MAPK8: variants seen among roughly 807,000 people sequenced by gnomAD.
MAPK8 encodes JUN N-terminal kinase.
A neutral mutation model predicts 52.9 loss-of-function variants in MAPK8; 13 were observed. The ratio of observed to expected loss-of-function variants is 0.25; its 90% CI spans 0.16 to 0.39. MAPK8 has a LOEUF of 0.39. Among genes scored for constraint, MAPK8 ranks in the 10% least tolerant of loss-of-function variants. MAPK8 has a pLI of 1.00. For synonymous variants in MAPK8, 191 were observed against 169.8 expected, an observed-to-expected ratio of 1.12 and a Z score of -0.97; for missense variants, 300 against 519.2, an observed-to-expected ratio of 0.58 and a Z score of 4.10.
At chr10:48,406,644 C>T (rs113558445) in intron 3 of MAPK8, among the ~76,000 whole-genome samples, 8,846 of 152,268 alleles carry the variant, frequency 0.058, 614 homozygotes, top group Admixed American at 0.21. Context: ...AATTATTCCA[C>T]TCACCCATGG....
At chr10:48,392,266 T>A (rs750851225) in intron 1 of MAPK8, among the ~76,000 whole-genome samples, 1 of 152,134 alleles carries the variant, frequency 6.6e-6, no homozygotes, top group African/African-American at 2.4e-5. Flanking sequence ...AAGATTAGAC[T>A]CTTGCCTTGA....
intron 1 of MAPK8, among the ~76,000 whole-genome samples, chr10:48,314,581 T>C (rs1842318208): frequency 6.6e-6 from 1 of 152,214 alleles, no homozygotes; most frequent in South Asian, 2.1e-4. Flanking sequence ...TAGGCCAGCG[T>C]ATGTGCATTT....
At chr10:48,351,878 C>T (rs1197788491) in intron 1 of MAPK8, among the ~76,000 whole-genome samples, 1 of 152,098 alleles carries the variant, frequency 6.6e-6, no homozygotes, top group African/African-American at 2.4e-5. Flanking sequence ...TCTAAAAATG[C>T]TCCAGTGAGC....
intron 1 of MAPK8, among the ~76,000 whole-genome samples, chr10:48,355,326 G>A (rs1846778455): frequency 6.6e-6 from 1 of 152,026 alleles, no homozygotes; most frequent in African/African-American, 2.4e-5. Context: ...TGGCTAACAC[G>A]GCGAAACCCC....
At chr10:48,325,179 T>C (rs1300473605) in intron 1 of MAPK8, among the ~76,000 whole-genome samples, 2 of 152,136 alleles carry the variant, frequency 1.3e-5, no homozygotes, top group African/African-American at 4.8e-5. Context: ...TTTCACCATA[T>C]TGGCCAGGCT....
intron 1 of MAPK8, among the ~76,000 whole-genome samples, chr10:48,362,265 TAGAA>T (rs760463809): frequency 4.3e-4 from 66 of 152,174 alleles, no homozygotes; most frequent in Non-Finnish European, 8.5e-4. Flanking sequence ...CAATGAGTCT[TAGAA>T]AGAAAGATAC....
intron 1 of MAPK8, among the ~76,000 whole-genome samples, chr10:48,396,535 C>G (rs556949393): frequency 6.6e-6 from 1 of 152,106 alleles, no homozygotes; most frequent in Non-Finnish European, 1.5e-5. Context: ...AACAGTTTGC[C>G]AGTTTCTTAT....
intron 6 of MAPK8, among the ~76,000 whole-genome samples, chr10:48,422,351 A>G (rs1436515797): frequency 1.3e-5 from 2 of 152,044 alleles, no homozygotes; most frequent in Non-Finnish European, 2.9e-5. Flanking sequence ...CATTTTAACA[A>G]CTTTGCTTTA....
At chr10:48,418,457 TA>T (rs1446404325) in intron 5 of MAPK8, among the ~76,000 whole-genome samples, 1 of 152,162 alleles carries the variant, frequency 6.6e-6, no homozygotes, top group Non-Finnish European at 1.5e-5. Flanking sequence ...TGCGTTTACA[TA>T]GATGATCAGC....
intron 1 of MAPK8, among the ~76,000 whole-genome samples, chr10:48,346,869 G>A (rs1845836175): frequency 6.6e-6 from 1 of 152,128 alleles, no homozygotes; most frequent in African/African-American, 2.4e-5. Flanking sequence ...CAGCTGCCAG[G>A]CAGGGAAGGG....
intron 1 of MAPK8, among the ~76,000 whole-genome samples, chr10:48,346,761 T>C (rs1845824506): frequency 6.6e-6 from 1 of 152,140 alleles, no homozygotes; most frequent in Admixed American, 6.5e-5. Flanking sequence ...CAGTAGTAAA[T>C]TAGTGAAAAT....
intron 5 of MAPK8, among the ~76,000 whole-genome samples, chr10:48,416,424 C>T (rs909690429): frequency 5.3e-5 from 8 of 152,112 alleles, no homozygotes; most frequent in Admixed American, 4.6e-4. Context: ...AGTGGTGAGC[C>T]CCAGCCTCTG....
intron 1 of MAPK8, among the ~76,000 whole-genome samples, chr10:48,373,384 C>T (rs1394616968): frequency 6.6e-6 from 1 of 151,694 alleles, no homozygotes; most frequent in African/African-American, 2.4e-5. Flanking sequence ...TCACACATAA[C>T]AATATTAACC....
intron 1 of MAPK8, among the ~76,000 whole-genome samples, chr10:48,310,174 A>T (rs997377334): frequency 6.6e-6 from 1 of 152,198 alleles, no homozygotes; most frequent in Non-Finnish European, 1.5e-5. Context: ...CTTTGTCATC[A>T]AATTCTGGAG....
intron 1 of MAPK8, among the ~76,000 whole-genome samples, chr10:48,369,270 G>A (rs539267130): frequency 6.6e-6 from 1 of 152,286 alleles, no homozygotes; most frequent in South Asian, 2.1e-4. Flanking sequence ...GAAGAGAACT[G>A]ATCTGTGGTA....
intron 1 of MAPK8, among the ~76,000 whole-genome samples, chr10:48,329,070 A>G (rs1843832305): frequency 6.6e-6 from 1 of 152,200 alleles, no homozygotes; most frequent in Non-Finnish European, 1.5e-5. Flanking sequence ...CCTTGCTGGT[A>G]GATATGGTTA....
At position 48,431,029 on chromosome 10, in the gene MAPK8, T is replaced by G. The variant is rs113257594; in HGVS notation, c.1061-164T>G. The G allele has an allele frequency of 1.2e-4, 78 of 641,404 alleles. 3 individuals are homozygous for G. The South Asian group carries it at 1.4e-3, about 12-fold the overall frequency. 39.7% of individuals were successfully genotyped at this position (641,404 alleles called of 1,614,324 possible). On this transcript the variant is annotated intron_variant, in intron 10 of 11. Transcript: ENST00000374189. ...TTGTTGAGTGTCAAGGAATTGTTAT[T>G]AATTAACATCCTTGAATCTTAGGCC...
At chr10:48,319,921 TTTC>T (rs1842837151) in intron 1 of MAPK8, among the ~76,000 whole-genome samples, 1 of 152,000 alleles carries the variant, frequency 6.6e-6, no homozygotes, top group Non-Finnish European at 1.5e-5. Flanking sequence ...TTTTTTTTCT[TTTC>T]TTTTTTTTTG....
intron 1 of MAPK8, among the ~76,000 whole-genome samples, chr10:48,322,087 T>G (rs187302463): frequency 6.6e-6 from 1 of 152,224 alleles, no homozygotes; most frequent in Non-Finnish European, 1.5e-5. Context: ...GAAGACAGGT[T>G]AGAGGGTCTG....
Sources: gnomAD v4.1 joint callset for allele counts (sites outside exome capture counted in the v4.1 genomes callset) on GRCh38, gnomAD v4.1.1 for gene constraint, MANE v1.5 for transcripts, NCBI Gene and HGNC (gene_info 2026-07-23, HGNC 2026-07-21) for gene names.